LRMDA: variants seen among roughly 807,000 people sequenced by gnomAD.
The protein encoded by LRMDA is leucine rich melanocyte differentiation associated.
In LRMDA, 18 loss-of-function variants were observed where a neutral mutation model predicts 29.8. The ratio of observed to expected loss-of-function variants is 0.60; its 90% confidence interval spans 0.42 to 0.90. The LOEUF (loss-of-function observed/expected upper bound fraction) is 0.90, where lower values mean the gene tolerates loss of function less well. Among genes scored for constraint, LRMDA ranks in the 40% least tolerant of loss-of-function variants. The pLI is 0.00. For synonymous variants in LRMDA, 125 were observed against 109.4 expected (o/e 1.14, Z -0.89); for missense variants, 273 against 273.9 (o/e 1.00, Z 0.02).
At chr10:76,406,588 C>T (rs1244749218) in intron 6 of LRMDA, among the ~76,000 whole-genome samples, 1 of 152,164 alleles carries the variant, frequency 6.6e-6, no homozygotes, top group Non-Finnish European at 1.5e-5. Context: ...CCACAGTGGT[C>T]CTTCTCACTT....
intron 6 of LRMDA, among the ~76,000 whole-genome samples, chr10:76,524,132 T>G (rs1251443321): frequency 6.7e-6 from 1 of 150,248 alleles, no homozygotes; most frequent in Non-Finnish European, 1.5e-5. Flanking sequence ...AACCGGGAGG[T>G]TTGCACCCAG....
chr10:76,560,144 A>C lies in LRMDA; in HGVS notation c.*2856A>C, dbSNP rs1388043690. 1 of 152,086 alleles carries C rather than the reference A, an allele frequency of 6.6e-6. No individual in the cohort carries two copies. Among genetic ancestry groups the C allele is most frequent in the African/African-American group, 2.4e-5 (1 of 41,416 alleles). 9.4% of individuals were successfully genotyped at this position (152,086 alleles called of 1,614,324 possible). ...GTGTTTTCACATACTCATGTATACT[A>C]AGGAATAAAAGAAAGCAAACCACAG... is the stretch of plus-strand genomic sequence containing the variant. On this transcript the variant is annotated 3_prime_UTR_variant, in exon 7 of 7. Transcript: ENST00000611255.
chr10:75,999,385 G>A (rs796373727), intron 2 of LRMDA, among the ~76,000 whole-genome samples: 62 of 152,300 alleles, frequency 4.1e-4, no homozygotes, highest in African/African-American at 1.4e-3. Context: ...TGTCATAATG[G>A]AGGAAGAAAA....
At chr10:75,573,984 C>A (rs1430339) in intron 2 of LRMDA, among the ~76,000 whole-genome samples, 2 of 151,548 alleles carry the variant, frequency 1.3e-5, no homozygotes, top group Admixed American at 1.3e-4. Flanking sequence ...TTGCAGAAGG[C>A]CTTTTTTTTT....
intron 2 of LRMDA, among the ~76,000 whole-genome samples, chr10:75,545,829 C>A (rs868578383): frequency 3.1e-4 from 47 of 152,096 alleles, no homozygotes; most frequent in African/African-American, 1.1e-3. Flanking sequence ...GAAGGAGAGT[C>A]CAACATGTCT....
chr10:75,485,563 A>T (rs1043734040), intron 2 of LRMDA, among the ~76,000 whole-genome samples: 2 of 151,282 alleles, frequency 1.3e-5, no homozygotes, highest in Non-Finnish European at 2.9e-5. Context: ...TGCCCAGCTA[A>T]TTTTGTGTGT....
intron 6 of LRMDA, among the ~76,000 whole-genome samples, chr10:76,508,132 A>G (rs1315371863): frequency 2.0e-5 from 3 of 152,162 alleles, no homozygotes; most frequent in Admixed American, 6.5e-5. Context: ...ATCAGGAGGT[A>G]TGTGATATCA....
chr10:75,758,205 G>A (rs560270119), intron 2 of LRMDA, among the ~76,000 whole-genome samples: 1 of 152,358 alleles, frequency 6.6e-6, no homozygotes, highest in Non-Finnish European at 1.5e-5. Context: ...GGGGGTGACG[G>A]GAGTGCCGCT....
chr10:76,451,735 A>C (rs187160046), intron 6 of LRMDA, among the ~76,000 whole-genome samples: 1 of 148,720 alleles, frequency 6.7e-6, no homozygotes, highest in African/African-American at 2.5e-5. Context: ...TTGTCTCAAC[A>C]CAACCTCCAC....
In LRMDA at chr10:75,882,137, C is replaced by T. The variant is rs536005035; in HGVS notation, c.132-153871C>T. Reference sequence around the variant, plus strand: ...GAGTTTGGTGATTATGAGGAGGAACCGAAAAGAGGCCTGAGTGGTTGTTGA... The same window carrying T: ...GAGTTTGGTGATTATGAGGAGGAACTGAAAAGAGGCCTGAGTGGTTGTTGA... On this transcript the variant is annotated intron_variant, in intron 2 of 6. Transcript: ENST00000611255. 5.3e-5 allele frequency among the ~76,000 whole-genome samples: 8 copies of T among 152,206 alleles called. No individual in the cohort carries two copies. In the East Asian group the frequency reaches 7.7e-4, roughly 15 times the overall value.
chr10:76,431,398 G>T (rs2132283392), intron 6 of LRMDA, among the ~76,000 whole-genome samples: 1 of 152,248 alleles, frequency 6.6e-6, no homozygotes, highest in South Asian at 2.1e-4. Flanking sequence ...CTGCTTCCCT[G>T]GGTGACGACA....
At chr10:75,488,830 A>T (rs1844948007) in intron 2 of LRMDA, among the ~76,000 whole-genome samples, 1 of 152,120 alleles carries the variant, frequency 6.6e-6, no homozygotes, top group Admixed American at 6.6e-5. Context: ...GGGATGCTAA[A>T]ATACTGCCTT....
intron 5 of LRMDA, among the ~76,000 whole-genome samples, chr10:76,079,383 G>A (rs1353587165): frequency 2.0e-5 from 3 of 152,186 alleles, no homozygotes; most frequent in African/African-American, 7.2e-5. Flanking sequence ...CAGTATGCAT[G>A]TCATCTGCCT....
intron 6 of LRMDA, among the ~76,000 whole-genome samples, chr10:76,500,177 G>T (rs1589216043): frequency 1.3e-5 from 1 of 76,016 alleles, no homozygotes; most frequent in Admixed American, 1.2e-4. Flanking sequence ...CCTGGCCTTA[G>T]TTTTATATTT....
chr10:75,883,527 T>C (rs1845328897), intron 2 of LRMDA: 1 of 152,180 alleles, frequency 6.6e-6, no homozygotes, highest in Non-Finnish European at 1.5e-5. Flanking sequence ...CACTTTGAGG[T>C]CAGCCTTTTC....
At position 76,522,410 on chromosome 10, in the gene LRMDA, T is replaced by TCTAGAA. The variant is rs1239852929; in HGVS notation, c.602-34797_602-34792dup. Reference sequence around the variant, plus strand: ...CACTTGTTCCCCACTTTATCCTAGTTCTAGAACGGTGCCAGGGATATGATA... The same window carrying TCTAGAA: ...CACTTGTTCCCCACTTTATCCTAGTTCTAGAACTAGAACGGTGCCAGGGATATGATA... On this transcript the variant is annotated intron_variant, in intron 6 of 6. Coordinates refer to ENST00000611255, the MANE Select transcript of LRMDA (RefSeq NM_001305581.2). Among the ~76,000 whole-genome samples the TCTAGAA allele has an allele frequency of 4.6e-5, 7 of 152,294 alleles. No individual in the cohort carries two copies. The East Asian group carries it at 1.4e-3, about 29-fold the overall frequency.
At chr10:76,242,553 A>G (rs1276815633) in intron 5 of LRMDA, among the ~76,000 whole-genome samples, 1 of 152,136 alleles carries the variant, frequency 6.6e-6, no homozygotes, top group Non-Finnish European at 1.5e-5. Context: ...TTGTCACCAC[A>G]TGCCCATCTT....
At chr10:76,505,856 T>C (rs1842954334) in intron 6 of LRMDA, among the ~76,000 whole-genome samples, 1 of 152,164 alleles carries the variant, frequency 6.6e-6, no homozygotes, top group Non-Finnish European at 1.5e-5. Context: ...TTCTCAGGTT[T>C]CTTGCATGGA....
At chr10:75,596,043 G>A (rs1840783416) in intron 2 of LRMDA, among the ~76,000 whole-genome samples, 1 of 152,092 alleles carries the variant, frequency 6.6e-6, no homozygotes, top group Admixed American at 6.5e-5. Flanking sequence ...TTGTATGTTT[G>A]TTTGCATGTG....
Sources: gnomAD v4.1 joint callset for allele counts (sites outside exome capture counted in the v4.1 genomes callset) on GRCh38, gnomAD v4.1.1 for gene constraint, MANE v1.5 for transcripts, NCBI Gene and HGNC (gene_info 2026-07-23, HGNC 2026-07-21) for gene names.